Variants in DCHS2 observed in about 807,000 individuals in gnomAD.
DCHS2 encodes dachsous cadherin-related 2.
In DCHS2, 142 loss-of-function variants were observed where a neutral mutation model predicts 182.4. That is an observed-to-expected ratio of 0.78 (90% confidence interval 0.68 to 0.89). DCHS2 has a LOEUF of 0.89. Ranked by LOEUF, DCHS2 falls within the 40% of genes least tolerant of loss-of-function variation. The pLI is 0.00. For missense variants in DCHS2, 4,319 were observed against 4,198.6 expected (o/e 1.03, Z -0.79); for synonymous variants, 1,740 against 1,663.3 (o/e 1.05, Z -1.12).
chr4:154,297,811 AAACAGGTACAATATAT>A, intron 13 of DCHS2, 24 bp downstream of exon 13: 1 of 1,567,280 alleles, frequency 6.4e-7, no homozygotes, highest in African/African-American at 1.4e-5. Context: ...CATTTTGTCA[AAACAGGTACAATATAT>A]GAAAAACTTG....
chr4:154,430,337 T>G (rs1257813879), intron 1 of DCHS2, among the ~76,000 whole-genome samples: 2 of 152,016 alleles, frequency 1.3e-5, no homozygotes, highest in Non-Finnish European at 2.9e-5. Flanking sequence ...CAGGCTAAGA[T>G]CAAAAGAGAA....
intron 1 of DCHS2, among the ~76,000 whole-genome samples, chr4:154,403,124 T>G (rs1348402076): frequency 6.6e-6 from 1 of 152,186 alleles, no homozygotes. Flanking sequence ...ATTATTTTAT[T>G]TTATCCTTTC....
intron 16 of DCHS2, among the ~76,000 whole-genome samples, chr4:154,253,570 T>G (rs1478675295): frequency 6.6e-6 from 1 of 152,148 alleles, no homozygotes; most frequent in Non-Finnish European, 1.5e-5. Flanking sequence ...GGAGAAAAGT[T>G]TCATGCTTAA....
At position 154,255,624 on chromosome 4, in the gene DCHS2, T is replaced by C. The variant is rs1239285780; in HGVS notation, c.6836A>G (p.Tyr2279Cys). 3.1e-6 allele frequency: 5 copies of C among 1,613,848 alleles called. No individual in the cohort carries two copies. Among genetic ancestry groups the C allele is most frequent in the Non-Finnish European group, 4.2e-6 (5 of 1,179,966 alleles). Residue 2279 changes from tyrosine to cysteine, a missense_variant, in exon 16 of 20, where the codon TAT (tyrosine) becomes TGT (cysteine). Coordinates refer to ENST00000357232, the MANE Select transcript of DCHS2 (RefSeq NM_001358235.2). ...TTCTTGGTTGCCAGACAGAATAGAATACTCAATCAGGCCGTTCAAACCACT... is the reference window on the plus strand; with the variant it reads ...TTCTTGGTTGCCAGACAGAATAGAACACTCAATCAGGCCGTTCAAACCACT... ...LDSGLNGLIE[Y>C]SILSGNQEEA...
chr4:154,485,712 T>G (rs1420153048), intron 1 of DCHS2, among the ~76,000 whole-genome samples: 3 of 152,212 alleles, frequency 2.0e-5, no homozygotes, highest in Non-Finnish European at 4.4e-5. Flanking sequence ...ATAAATGAAT[T>G]GATGAATGAA....
At chr4:154,485,204 G>A (rs552057549) in intron 1 of DCHS2, among the ~76,000 whole-genome samples, 27 of 152,276 alleles carry the variant, frequency 1.8e-4, no homozygotes, top group African/African-American at 6.0e-4. Context: ...CTACCACACT[G>A]AGTGTGGGGT....
intron 1 of DCHS2, among the ~76,000 whole-genome samples, chr4:154,482,137 A>G (rs1287226771): frequency 1.3e-5 from 2 of 152,242 alleles, no homozygotes; most frequent in Admixed American, 1.3e-4. Context: ...ATCCAGTAAA[A>G]AGTGAGTGTA....
chr4:154,411,696 A>G (rs986787924), intron 1 of DCHS2, among the ~76,000 whole-genome samples: 4 of 152,248 alleles, frequency 2.6e-5, no homozygotes, highest in Admixed American at 6.5e-5. Flanking sequence ...TATTTGCTAA[A>G]TGAGTAGATT....
In DCHS2 at chr4:154,234,721, A is replaced by AT; in HGVS notation, c.9930_9931insA (p.Ser3311IlefsTer52). The AT allele has an allele frequency of 6.2e-7, 1 of 1,613,620 alleles. No individual in the cohort carries two copies. Among genetic ancestry groups the AT allele is most frequent in the African/African-American group, 1.3e-5 (1 of 74,860 alleles). On this transcript the variant is annotated frameshift_variant, in exon 20 of 20. Coordinates refer to ENST00000357232, the MANE Select transcript of DCHS2 (RefSeq NM_001358235.2). LOFTEE classifies it low-confidence loss of function (END_TRUNC). ...GAACCAAGATGGTAGGGGATGGGAG[A>AT]GCGTGGGTGTTTCGGAGGCACCTGC...
intron 13 of DCHS2, among the ~76,000 whole-genome samples, chr4:154,288,313 TATATA>T (rs1734500827): frequency 6.6e-6 from 1 of 152,062 alleles, no homozygotes; most frequent in South Asian, 2.1e-4. Flanking sequence ...ACACAAAAAC[TATATA>T]GACAAGGAAG....
At chr4:154,299,302 A>G (rs1002395226) in intron 12 of DCHS2, among the ~76,000 whole-genome samples, 160 of 152,196 alleles carry the variant, frequency 1.1e-3, no homozygotes, top group African/African-American at 3.8e-3. Context: ...ATTTCTTCCA[A>G]AACATAAATA....
Position 154,428,584 on chromosome 4 carries a change from G to A in DCHS2, c.2053-51140C>T, listed in dbSNP as rs557758064. On this transcript the variant is annotated intron_variant, in intron 1 of 19. Coordinates refer to ENST00000357232, the MANE Select transcript of DCHS2 (RefSeq NM_001358235.2). The stretch of plus-strand genomic sequence containing the variant: ...AAAGAAACAAAACATAACTGCTGAG[G>A]TTTGGTAAATATGTGGTTGTTGAGG... 2.0e-5 allele frequency among the ~76,000 whole-genome samples: 3 copies of A among 152,010 alleles called. No individual in the cohort carries two copies. In the South Asian group the frequency reaches 6.2e-4, roughly 32 times the overall value.
chr4:154,414,223 T>C (rs1179113556), intron 1 of DCHS2, among the ~76,000 whole-genome samples: 1 of 151,560 alleles, frequency 6.6e-6, no homozygotes, highest in Non-Finnish European at 1.5e-5. Context: ...AGATATATGT[T>C]CCAATTCAGA....
Position 154,377,392 on chromosome 4 carries a change from A to T in DCHS2, c.2105T>A (p.Leu702His). Residue 702 changes from leucine (L) to histidine (H), a missense_variant, in exon 2 of 20, where the codon CTT becomes CAT. By Grantham distance (99) the Leu-to-His change is moderately conservative. Coordinates refer to ENST00000357232, the MANE Select transcript of DCHS2 (RefSeq NM_001358235.2). ...SGLYGFIEYSLYDGFLSYEAP... is the reference protein window; with the variant it reads ...SGLYGFIEYSHYDGFLSYEAP... ...TTCATAGCTCAGGAATCCATCATAAAGAGAATATTCAATAAAGCCATAGAG... is the reference window on the plus strand; with the variant it reads ...TTCATAGCTCAGGAATCCATCATAATGAGAATATTCAATAAAGCCATAGAG... The T allele has an allele frequency of 6.2e-7, 1 of 1,613,620 alleles. No homozygotes were observed. Among genetic ancestry groups the T allele is most frequent in the South Asian group, 1.1e-5 (1 of 91,060 alleles).
At chr4:154,339,145 G>A (rs1050133676) in intron 3 of DCHS2, among the ~76,000 whole-genome samples, 5 of 152,190 alleles carry the variant, frequency 3.3e-5, no homozygotes, top group African/African-American at 1.2e-4. Context: ...AGTCAGTGGT[G>A]TAGATTCTAG....
At chr4:154,248,885 G>T (rs1382213251) in intron 16 of DCHS2, among the ~76,000 whole-genome samples, 1 of 152,170 alleles carries the variant, frequency 6.6e-6, no homozygotes, top group African/African-American at 2.4e-5. Flanking sequence ...CTAACCAGAT[G>T]CAGAAGAATG....
intron 1 of DCHS2, among the ~76,000 whole-genome samples, chr4:154,450,888 A>G (rs1374796441): frequency 6.6e-6 from 1 of 152,278 alleles, no homozygotes; most frequent in African/African-American, 2.4e-5. Context: ...CTAGGGGTCC[A>G]GTGGTGTGGG....
intron 9 of DCHS2, among the ~76,000 whole-genome samples, chr4:154,318,823 A>G (rs149002471): frequency 1.3e-5 from 2 of 152,270 alleles, no homozygotes; most frequent in East Asian, 3.9e-4. Context: ...TCTCAGTGGC[A>G]TTTGTTGTAG....
In DCHS2 at chr4:154,430,593, C is replaced by T. The variant is rs578010492; in HGVS notation, c.2053-53149G>A. On this transcript the variant is annotated intron_variant, in intron 1 of 19. Coordinates refer to ENST00000357232, the MANE Select transcript of DCHS2 (RefSeq NM_001358235.2). ...GTAGAGCAGACAATGCTGTAGAATT[C>T]TTGGACCTGTTCTCACAGCAAAAGT... 2.0e-5 allele frequency among the ~76,000 whole-genome samples: 3 copies of T among 152,342 alleles called. No homozygotes were observed. In the South Asian group the frequency reaches 6.2e-4, roughly 32 times the overall value.
Sources: gnomAD v4.1 joint callset for allele counts (sites outside exome capture counted in the v4.1 genomes callset) on GRCh38, gnomAD v4.1.1 for gene constraint, MANE v1.5 for transcripts, NCBI Gene and HGNC (gene_info 2026-07-23, HGNC 2026-07-21) for gene names.